XXYLT1: variants seen among roughly 807,000 people sequenced by gnomAD.
XXYLT1 encodes UDP-xylose:alpha-xyloside alpha-1,3-xylosyltransferase.
Under a neutral mutation model 28.9 loss-of-function variants are expected in XXYLT1, and 20 were observed. That is an observed-to-expected ratio of 0.69 (90% CI 0.49 to 1.00). The LOEUF is 1.00. XXYLT1 is among the 50% of genes least tolerant of loss of function. XXYLT1 has a pLI of 0.00. For synonymous variants in XXYLT1, 257 were observed against 253.8 expected, an observed-to-expected ratio of 1.01 and a Z score of -0.12; for missense variants, 542 against 560.1, an observed-to-expected ratio of 0.97 and a Z score of 0.33.
At chr3:195,073,649 G>A (rs996265621) in intron 3 of XXYLT1, among the ~76,000 whole-genome samples, 14 of 152,236 alleles carry the variant, frequency 9.2e-5, no homozygotes, top group Non-Finnish European at 1.9e-4. Context: ...TGGAAAACAA[G>A]CCCCCACGCA....
At chr3:195,070,385 G>T (rs750626742) in intron 3 of XXYLT1, among the ~76,000 whole-genome samples, 9 of 151,926 alleles carry the variant, frequency 5.9e-5, no homozygotes, top group South Asian at 2.1e-4. Flanking sequence ...ATACTAGACC[G>T]GCTTACTTAC....
intron 3 of XXYLT1, among the ~76,000 whole-genome samples, chr3:195,088,145 C>T (rs1228687950): frequency 2.7e-5 from 4 of 146,440 alleles, no homozygotes; most frequent in Admixed American, 7.3e-5. Context: ...ATTAGGTAAA[C>T]AAAGCAGCCG....
At chr3:195,200,630 C>G (rs1050698555) in intron 2 of XXYLT1, among the ~76,000 whole-genome samples, 1 of 152,218 alleles carries the variant, frequency 6.6e-6, no homozygotes, top group Non-Finnish European at 1.5e-5. Flanking sequence ...AACACCCTCA[C>G]AGCCTGTGCA....
intron 3 of XXYLT1, among the ~76,000 whole-genome samples, chr3:195,136,888 T>A (rs1268831031): frequency 6.6e-6 from 1 of 152,084 alleles, no homozygotes; most frequent in South Asian, 2.1e-4. Flanking sequence ...TTTAGACCAT[T>A]TTTAGAAGTG....
chr3:195,154,415 A>C (rs1187471980), intron 3 of XXYLT1, among the ~76,000 whole-genome samples: 1 of 152,170 alleles, frequency 6.6e-6, no homozygotes, highest in Non-Finnish European at 1.5e-5. Context: ...ACCAGGAAAT[A>C]AATCACAGAA....
At chr3:195,184,605 T>C in intron 2 of XXYLT1, 2 of 985,138 alleles carry the variant, frequency 2.0e-6, no homozygotes, top group Non-Finnish European at 2.4e-6. Flanking sequence ...CCAAGAAACA[T>C]TTAAGTCTCC....
Position 195,077,690 on chromosome 3 carries a change from C to A in XXYLT1, c.786-7579G>T, listed in dbSNP as rs1715200675. 6.6e-6 allele frequency among the ~76,000 whole-genome samples: 1 copy of A among 152,188 alleles called. No individual in the cohort carries two copies. The highest frequency in any genetic ancestry group is 1.5e-5 in the Non-Finnish European group (1 of 68,010). On this transcript the variant is annotated intron_variant, in intron 3 of 3. Transcript: ENST00000310380. The surrounding 1 kb of genome is among the most constrained non-coding windows in gnomAD (Gnocchi z 4.8). ...ATGGCCCTGATGGCAAGGCCTCTGA[C>A]CTGGTGCAGGGCAGCCCTTCAGCCC...
intron 3 of XXYLT1, chr3:195,096,200 T>C (rs1484974427): frequency 1.3e-5 from 2 of 152,242 alleles, no homozygotes; most frequent in Non-Finnish European, 2.9e-5. Context: ...CATACTTTTA[T>C]AGAGTACCTG....
At chr3:195,187,657 T>G (rs1293293399) in intron 2 of XXYLT1, among the ~76,000 whole-genome samples, 2 of 152,242 alleles carry the variant, frequency 1.3e-5, no homozygotes, top group Non-Finnish European at 2.9e-5. Context: ...TTGATTTTAA[T>G]TGCTTTGCAT....
chr3:195,156,329 A>C (rs771375984), intron 3 of XXYLT1, 120 bp downstream of exon 3: 5 of 1,489,562 alleles, frequency 3.4e-6, no homozygotes, highest in Non-Finnish European at 3.6e-6. Flanking sequence ...TGTGTTCCCA[A>C]GATACTAAGT....
intron 2 of XXYLT1, among the ~76,000 whole-genome samples, chr3:195,207,161 C>T (rs748954881): frequency 5.4e-4 from 82 of 152,292 alleles, no homozygotes; most frequent in Non-Finnish European, 7.2e-4. Context: ...GGATGGCTCG[C>T]GGGTCTGAGG....
chr3:195,190,132 C>CAAAAAAAAAAAAAAAAAAAA (rs763683271), intron 2 of XXYLT1, among the ~76,000 whole-genome samples: 20 of 142,818 alleles, frequency 1.4e-4, no homozygotes, highest in African/African-American at 5.4e-4. Context: ...TTCAAAAATG[C>CAAAAAAAAAAAAAAAAAAAA]AAAAAAAAAG....
At chr3:195,220,265 C>T (rs890414073) in intron 2 of XXYLT1, among the ~76,000 whole-genome samples, 2 of 152,142 alleles carry the variant, frequency 1.3e-5, no homozygotes, top group African/African-American at 2.4e-5. Flanking sequence ...CCTCAGCCTC[C>T]CAAGTAGCTG....
chr3:195,231,114 G>A lies in XXYLT1; in HGVS notation c.505-4258C>T, dbSNP rs144415979. 2.1e-3 allele frequency among the ~76,000 whole-genome samples: 326 copies of A among 151,746 alleles called. 1 individual carries two copies. Among genetic ancestry groups the A allele is most frequent in the Admixed American group, 4.7e-3 (72 of 15,242 alleles). On this transcript the variant is annotated intron_variant, in intron 1 of 3. Transcript: ENST00000310380. ...TTTCACTTGTTTGGTTAATCCCTAG[G>A]TATTTTATTTGTAGCAATTATAAAT...
At chr3:195,125,273 G>A (rs1168469299) in intron 3 of XXYLT1, among the ~76,000 whole-genome samples, 1 of 152,250 alleles carries the variant, frequency 6.6e-6, no homozygotes, top group Non-Finnish European at 1.5e-5. Flanking sequence ...TGGACATGAT[G>A]CTTTTGGCCT....
At chr3:195,117,736 C>T (rs370588420) in intron 3 of XXYLT1, among the ~76,000 whole-genome samples, 3 of 152,092 alleles carry the variant, frequency 2.0e-5, no homozygotes, top group Admixed American at 6.5e-5. Flanking sequence ...GGTGCCTGCC[C>T]GGAGCTCAGC....
intron 2 of XXYLT1, chr3:195,183,766 C>G (rs1036647593): frequency 1.3e-5 from 2 of 152,288 alleles, no homozygotes; most frequent in African/African-American, 2.4e-5. Context: ...AACTGTTACC[C>G]ACCCTGGTCC....
chr3:195,115,581 C>G lies in XXYLT1; in HGVS notation c.785+40868G>C, dbSNP rs897650666. 6.6e-6 allele frequency among the ~76,000 whole-genome samples: 1 copy of G among 152,210 alleles called. No individual in the cohort carries two copies. Among genetic ancestry groups the G allele is most frequent in the African/African-American group, 2.4e-5 (1 of 41,450 alleles). On this transcript the variant is annotated intron_variant, in intron 3 of 3. Transcript: ENST00000310380. The surrounding 1 kb of genome is among the most constrained non-coding windows in gnomAD (Gnocchi z 4.2). Reference sequence around the variant, plus strand: ...AACCCTGCCTGGCAAACCGAGCACGCGTGAAGGCCTCAGGAGCCACAGTGG... The same window carrying G: ...AACCCTGCCTGGCAAACCGAGCACGGGTGAAGGCCTCAGGAGCCACAGTGG...
At chr3:195,097,113 T>A (rs989599609) in intron 3 of XXYLT1, among the ~76,000 whole-genome samples, 3 of 152,090 alleles carry the variant, frequency 2.0e-5, no homozygotes, top group Non-Finnish European at 2.9e-5. Flanking sequence ...GAACAAGACA[T>A]ATAGGCCGGT....
Sources: allele counts gnomAD v4.1 joint callset (sites outside exome capture counted in the v4.1 genomes callset), GRCh38; gene constraint gnomAD v4.1.1; non-coding constraint Gnocchi (gnomAD v3.1); transcripts MANE v1.5; gene names NCBI Gene and HGNC (gene_info 2026-07-23, HGNC 2026-07-21).